ATP2B2: variants seen among roughly 807,000 people sequenced by gnomAD.
ATP2B2 encodes plasma membrane calcium-transporting ATPase 2.
ATP2B2 carries 15 observed loss-of-function variants against 120.0 expected under a neutral mutation model. The observed-to-expected ratio is 0.12, with a 90% CI of 0.08 to 0.19. The LOEUF (loss-of-function observed/expected upper bound fraction) is 0.19. ATP2B2 is among the 10% of genes least tolerant of loss of function. ATP2B2 has a pLI of 1.00. For synonymous variants in ATP2B2, 694 were observed against 700.3 expected (o/e 0.99, Z 0.14); for missense variants, 1,045 against 1,719.8 (o/e 0.61, Z 6.94).
chr3:10,690,384 A>T (rs1176866641), intron 1 of ATP2B2, among the ~76,000 whole-genome samples: 1 of 152,200 alleles, frequency 6.6e-6, no homozygotes, highest in Admixed American at 6.5e-5. Context: ...AGAGATAGAG[A>T]GATGGATAGA....
At chr3:10,436,894 C>T (rs1055244537) in intron 2 of ATP2B2, among the ~76,000 whole-genome samples, 6 of 148,560 alleles carry the variant, frequency 4.0e-5, no homozygotes, top group Non-Finnish European at 6.0e-5. Context: ...CATCTGTCTT[C>T]GTGGAGGTGT....
chr3:10,394,374 G>A, intron 5 of ATP2B2: 4 of 465,182 alleles, frequency 8.6e-6, no homozygotes, highest in South Asian at 6.2e-5. Context: ...AGCCCCCTGA[G>A]GTAGGTTTTG....
intron 3 of ATP2B2, among the ~76,000 whole-genome samples, chr3:10,403,853 G>A (rs1575132313): frequency 6.6e-6 from 1 of 152,336 alleles, no homozygotes; most frequent in African/African-American, 2.4e-5. Flanking sequence ...TCTGGGATCT[G>A]ACACCAGACC....
intron 1 of ATP2B2, among the ~76,000 whole-genome samples, chr3:10,473,728 T>C (rs770671167): frequency 6.6e-6 from 1 of 152,204 alleles, no homozygotes; most frequent in Non-Finnish European, 1.5e-5. Context: ...GGCAGTATGT[T>C]CCAGGCAGAG....
chr3:10,556,114 G>A (rs185994459), intron 2 of ATP2B2, among the ~76,000 whole-genome samples: 192 of 152,286 alleles, frequency 1.3e-3, no homozygotes, highest in Non-Finnish European at 2.6e-3. Context: ...TGACCAGGCT[G>A]GTCTCAAACT....
intron 1 of ATP2B2, among the ~76,000 whole-genome samples, chr3:10,497,893 T>C (rs919604699): frequency 6.6e-6 from 1 of 152,190 alleles, no homozygotes; most frequent in African/African-American, 2.4e-5. Flanking sequence ...AAGGACCCAG[T>C]GAGGGACTCA....
At chr3:10,452,131 G>A (rs2064078426) in intron 1 of ATP2B2, among the ~76,000 whole-genome samples, 1 of 152,264 alleles carries the variant, frequency 6.6e-6, no homozygotes. Flanking sequence ...ATGAGGTTCA[G>A]AGGGGTGAAG....
intron 1 of ATP2B2, among the ~76,000 whole-genome samples, chr3:10,681,859 A>G (rs9851188): frequency 0.033 from 4,954 of 152,210 alleles, 242 homozygotes; most frequent in African/African-American, 0.11. Context: ...TACTCTGCTG[A>G]CCCAGTCCCT....
intron 2 of ATP2B2, among the ~76,000 whole-genome samples, chr3:10,534,309 T>G (rs1024100274): frequency 6.6e-6 from 1 of 152,190 alleles, no homozygotes; most frequent in African/African-American, 2.4e-5. Context: ...CCAGCCTGGG[T>G]GGGCTTTGCC....
chr3:10,528,500 A>G (rs561167157), intron 3 of ATP2B2, among the ~76,000 whole-genome samples: 1 of 152,304 alleles, frequency 6.6e-6, no homozygotes, highest in African/African-American at 2.4e-5. Flanking sequence ...GGAAGAAAAC[A>G]TTTATTGTTT....
intron 2 of ATP2B2, among the ~76,000 whole-genome samples, chr3:10,614,493 C>T (rs2069328772): frequency 6.6e-6 from 1 of 152,178 alleles, no homozygotes; most frequent in South Asian, 2.1e-4. Context: ...GCACAATGCG[C>T]CAGGTCATTT....
At chr3:10,662,352 G>A (rs1381995441) in intron 1 of ATP2B2, among the ~76,000 whole-genome samples, 1 of 150,476 alleles carries the variant, frequency 6.6e-6, no homozygotes, top group Non-Finnish European at 1.5e-5. Flanking sequence ...TCTGACAAAG[G>A]GCTAATATCC....
chr3:10,626,901 C>CACACAT (rs2069719101), intron 1 of ATP2B2: 1 of 148,242 alleles, frequency 6.7e-6, no homozygotes, highest in African/African-American at 2.4e-5. Flanking sequence ...CACACACACA[C>CACACAT]ACACACACAC....
chr3:10,607,014 G>A (rs2069106105), intron 2 of ATP2B2, among the ~76,000 whole-genome samples: 1 of 151,596 alleles, frequency 6.6e-6, no homozygotes, highest in Admixed American at 6.6e-5. Flanking sequence ...GAGAGAGAGA[G>A]AGAGACTGTT....
In ATP2B2 at chr3:10,342,845, G is replaced by A. The variant is rs1419635133; in HGVS notation, c.2824C>T (p.Arg942Cys). ...ETLLLRKPYG[R>C]NKPLISRTMM... ...GTCCTGGAGATGAGCGGCTTGTTGCGGCCGTACGGCTTCCTCAGCAGCAGG... is the reference window on the plus strand; with the variant it reads ...GTCCTGGAGATGAGCGGCTTGTTGCAGCCGTACGGCTTCCTCAGCAGCAGG... Residue 942 changes from arginine to cysteine, a missense_variant, in exon 19 of 23, where the codon CGC (arginine) becomes TGC (cysteine). Physicochemically the swap from Arg to Cys is radical, Grantham distance 180. Coordinates refer to ENST00000360273, the MANE Select transcript of ATP2B2 (RefSeq NM_001001331.4). This position sits in a 1 kb window ranked among gnomAD's most constrained non-coding sequence, Gnocchi z 4.4. 3.7e-6 allele frequency: 6 copies of A among 1,614,044 alleles called. No individual in the cohort carries two copies. The highest frequency in any genetic ancestry group is 1.7e-5 in the Admixed American group (1 of 60,014).
intron 1 of ATP2B2, among the ~76,000 whole-genome samples, chr3:10,455,621 A>G (rs978155204): frequency 2.0e-5 from 3 of 152,162 alleles, no homozygotes; most frequent in African/African-American, 4.8e-5. Context: ...CATGGTTGCA[A>G]TGAGGTTCAC....
chr3:10,402,444 T>C lies in ATP2B2; in HGVS notation c.398-96A>G. 1 of 1,544,840 alleles carries C rather than the reference T, an allele frequency of 6.5e-7. No homozygotes were observed. The highest frequency in any genetic ancestry group is 1.1e-5 in the South Asian group (1 of 89,740). On this transcript the variant is annotated intron_variant, in intron 3 of 22. Coordinates refer to ENST00000360273, the MANE Select transcript of ATP2B2 (RefSeq NM_001001331.4). This position sits in a 1 kb window ranked among gnomAD's most constrained non-coding sequence, Gnocchi z 4.9. ...CAGCTCAGCTCTGCAAAGTAACAAG[T>C]GTTAAGAATCAGATGATAATTATCC...
rs779409464 is a variant in ATP2B2 at position 10,358,865 on chromosome 3, G to A, written c.1962C>T (p.Asp654=). ...EPRVFRPRDR[D]EMVKKVIEPM... is the part of the protein sequence containing the mutation. ...GCTCAATCACCTTCTTTACCATCTC[G>A]TCCCGGTCGCGGGGCCGGAAGACAC... Residue 654 remains aspartate (D), a synonymous_variant, in exon 14 of 23, where the codon GAC becomes GAT. Transcript: ENST00000360273. 2 of 1,614,116 alleles carry A rather than the reference G, an allele frequency of 1.2e-6. No homozygotes were observed. The highest frequency in any genetic ancestry group is 1.7e-5 in the Admixed American group (1 of 60,026).
intron 2 of ATP2B2, among the ~76,000 whole-genome samples, chr3:10,440,593 C>T (rs891571419): frequency 2.0e-5 from 3 of 152,200 alleles, no homozygotes; most frequent in Admixed American, 6.5e-5. Flanking sequence ...CCATTAACTG[C>T]GTGTGCTTCC....
Sources: allele counts gnomAD v4.1 joint callset (sites outside exome capture counted in the v4.1 genomes callset), GRCh38; gene constraint gnomAD v4.1.1; non-coding constraint Gnocchi (gnomAD v3.1); transcripts MANE v1.5; gene names NCBI Gene and HGNC (gene_info 2026-07-23, HGNC 2026-07-21).